The following CRHBP variants were observed in gnomAD, a reference collection of about 807,000 sequenced individuals.
The protein encoded by CRHBP is corticotropin-releasing hormone-binding protein.
CRHBP carries 19 observed loss-of-function variants against 34.9 expected under a neutral mutation model. The observed-to-expected ratio is 0.55, with a 90% confidence interval of 0.38 to 0.80. CRHBP has a LOEUF of 0.80. Ranked by LOEUF, CRHBP falls within the 30% of genes least tolerant of loss-of-function variation. The probability of loss-of-function intolerance (pLI) is 0.00; values close to 1 mark genes in which losing one functional copy is unlikely to be tolerated. For synonymous variants in CRHBP, 154 were observed against 153.4 expected, an observed-to-expected ratio of 1.00 and a Z score of -0.03; for missense variants, 328 against 409.2, an observed-to-expected ratio of 0.80 and a Z score of 1.71.
intron 3 of CRHBP, among the ~76,000 whole-genome samples, chr5:76,979,129 G>T (rs1746081940): frequency 6.6e-6 from 1 of 152,124 alleles, no homozygotes; most frequent in Non-Finnish European, 1.5e-5. Flanking sequence ...GCATTTTTTA[G>T]CAATAAAGTA....
intron 5 of CRHBP, among the ~76,000 whole-genome samples, chr5:76,962,227 A>G (rs1265151149): frequency 6.6e-6 from 1 of 152,158 alleles, no homozygotes; most frequent in African/African-American, 2.4e-5. Flanking sequence ...AATGAAAAAG[A>G]GGATCACAGG....
At position 76,968,705 on chromosome 5, in the gene CRHBP, T is replaced by G. The variant is rs771724310; in HGVS notation, c.812-23T>G. 2.5e-6 allele frequency: 4 copies of G among 1,584,606 alleles called. No individual in the cohort carries two copies. In the African/African-American group the frequency reaches 5.4e-5, roughly 21 times the overall value. On this transcript the variant is annotated intron_variant, in intron 6 of 6. Transcript: ENST00000274368. ...GTGGTTTCTAACCTGCTGGGAAACT[T>G]TTATCTTTTCCATCCATTATAGCCC...
At chr5:76,966,153 G>C (rs1745857662) in intron 6 of CRHBP, among the ~76,000 whole-genome samples, 1 of 152,126 alleles carries the variant, frequency 6.6e-6, no homozygotes, top group Non-Finnish European at 1.5e-5. Flanking sequence ...CGAGTAGCTG[G>C]GATTACAGGC....
At chr5:76,975,845 T>TATATATATAC (rs1237085128) in intron 2 of CRHBP, among the ~76,000 whole-genome samples, 21 of 97,640 alleles carry the variant, frequency 2.2e-4, no homozygotes, top group African/African-American at 9.2e-4. Flanking sequence ...TATATATATA[T>TATATATATAC]ACACGCATAT....
intron 5 of CRHBP, among the ~76,000 whole-genome samples, chr5:76,961,061 C>T (rs1580093623): frequency 1.3e-5 from 2 of 152,292 alleles, no homozygotes; most frequent in South Asian, 2.1e-4. Flanking sequence ...GCCACTGCTC[C>T]TGGCCAAGTA....
chr5:76,960,576 G>A (rs1745761203), intron 5 of CRHBP, among the ~76,000 whole-genome samples: 1 of 152,086 alleles, frequency 6.6e-6, no homozygotes, highest in Non-Finnish European at 1.5e-5. Context: ...GCTCTGGTGA[G>A]ATGTTTCTTT....
At chr5:76,965,014 T>TAA (rs552829744) in intron 6 of CRHBP, among the ~76,000 whole-genome samples, 2 of 145,112 alleles carry the variant, frequency 1.4e-5, no homozygotes, top group South Asian at 2.2e-4. Flanking sequence ...AAGAATCAGG[T>TAA]AAAAAAAAAA....
chr5:76,979,460 C>T (rs1010523504), intron 3 of CRHBP, among the ~76,000 whole-genome samples: 4 of 152,174 alleles, frequency 2.6e-5, no homozygotes, highest in African/African-American at 9.7e-5. Flanking sequence ...AAGCAATTCT[C>T]CTGCCTCAGC....
chr5:76,963,485 G>A lies in CRHBP; in HGVS notation c.811+25G>A, dbSNP rs779789879. 1.0e-5 allele frequency: 16 copies of A among 1,558,292 alleles called. No homozygotes were observed. The Middle Eastern group carries it at 5.1e-4, about 49-fold the overall frequency. ...GGTGAGGTATTTCTTTGATTGTTAT[G>A]TATGTGCCTATCAAGATTAAAAAAA... is the stretch of plus-strand genomic sequence containing the variant. On this transcript the variant is annotated intron_variant, in intron 6 of 6. Transcript: ENST00000274368.
At chr5:76,980,274 AAAAG>A (rs1231478146) in intron 3 of CRHBP, among the ~76,000 whole-genome samples, 5 of 148,042 alleles carry the variant, frequency 3.4e-5, no homozygotes, top group African/African-American at 1.0e-4. Context: ...AAAAAAAAAA[AAAAG>A]AAAGCAGTGG....
At chr5:76,980,574 T>A (rs1746104376) in intron 3 of CRHBP, among the ~76,000 whole-genome samples, 1 of 152,258 alleles carries the variant, frequency 6.6e-6, no homozygotes, top group African/African-American at 2.4e-5. Context: ...TTTGGTCAAC[T>A]TGGCGATGCC....
At chr5:76,980,095 C>A (rs1341507141) in intron 3 of CRHBP, among the ~76,000 whole-genome samples, 37 of 146,680 alleles carry the variant, frequency 2.5e-4, no homozygotes, top group African/African-American at 8.8e-4. Flanking sequence ...ACTAAAAATA[C>A]AAAAAAAAAA....
At chr5:76,953,728 G>T in intron 2 of CRHBP, 34 bp downstream of exon 2, 1 of 1,570,044 alleles carries the variant, frequency 6.4e-7, no homozygotes, top group Non-Finnish European at 8.7e-7. Context: ...CGGGCGCCCG[G>T]GACGCGGGGA....
intron 3 of CRHBP, among the ~76,000 whole-genome samples, chr5:76,978,207 G>A (rs1469297534): frequency 1.3e-5 from 2 of 152,156 alleles, no homozygotes; most frequent in Admixed American, 6.6e-5. Flanking sequence ...GATCATTGAT[G>A]AAGGTGGCTA....
intron 5 of CRHBP, among the ~76,000 whole-genome samples, chr5:76,961,953 C>T (rs1417558421): frequency 2.0e-5 from 3 of 152,064 alleles, no homozygotes; most frequent in East Asian, 3.9e-4. Flanking sequence ...GGGGTTTCAC[C>T]GTGTTGGCCA....
At chr5:76,957,320 T>C (rs778463255) in intron 4 of CRHBP, among the ~76,000 whole-genome samples, 17 of 152,354 alleles carry the variant, frequency 1.1e-4, no homozygotes, top group Non-Finnish European at 2.5e-4. Context: ...TGTTGATTCA[T>C]CCAGTAATCA....
intron 3 of CRHBP, chr5:76,980,825 A>AT (rs1746108146): frequency 6.6e-6 from 1 of 152,154 alleles, no homozygotes; most frequent in African/African-American, 2.4e-5. Context: ...AATACTATTA[A>AT]TTTTTGCGGG....
intron 1 of CRHBP, 171 bp from the exon 2 acceptor site, chr5:76,953,430 C>A: frequency 1.1e-6 from 1 of 877,774 alleles, no homozygotes; most frequent in Non-Finnish European, 1.8e-6. Flanking sequence ...TGGGGATACC[C>A]TGGCCTGATG....
intron 4 of CRHBP, among the ~76,000 whole-genome samples, chr5:76,958,255 T>A (rs1363891378): frequency 6.6e-6 from 1 of 151,990 alleles, no homozygotes; most frequent in Non-Finnish European, 1.5e-5. Context: ...AAAATAAAAA[T>A]TAAGTTTTTT....
Sources: gnomAD v4.1 joint callset for allele counts (sites outside exome capture counted in the v4.1 genomes callset) on GRCh38, gnomAD v4.1.1 for gene constraint, MANE v1.5 for transcripts, NCBI Gene and HGNC (gene_info 2026-07-23, HGNC 2026-07-21) for gene names.